EYS: variants seen among roughly 807,000 people sequenced by gnomAD.
EYS encodes the protein EGF-like photoreceptor maintenance factor.
EYS carries 250 observed loss-of-function variants against 282.1 expected under a neutral mutation model. The observed-to-expected ratio is 0.89, with a 90% CI of 0.80 to 0.98. The LOEUF is 0.98. Ranked by LOEUF, EYS falls within the 50% of genes least tolerant of loss-of-function variation. The pLI is 0.00. For missense variants in EYS, 4,016 were observed against 3,709.0 expected, an observed-to-expected ratio of 1.08 and a Z score of -2.15; for synonymous variants, 1,355 against 1,282.9, an observed-to-expected ratio of 1.06 and a Z score of -1.20.
At chr6:65,539,354 A>C (rs1768077963) in intron 2 of EYS, among the ~76,000 whole-genome samples, 1 of 152,182 alleles carries the variant, frequency 6.6e-6, no homozygotes, top group South Asian at 2.1e-4. Flanking sequence ...CATAAGCCAA[A>C]GACATAGTTC....
intron 26 of EYS, among the ~76,000 whole-genome samples, chr6:64,547,390 C>T (rs1397268502): frequency 6.6e-6 from 1 of 152,136 alleles, no homozygotes; most frequent in Admixed American, 6.5e-5. Flanking sequence ...CGTTTGCAAT[C>T]CCTGAGCTAG....
At chr6:63,912,850 C>T (rs926442499) in intron 35 of EYS, among the ~76,000 whole-genome samples, 8 of 150,970 alleles carry the variant, frequency 5.3e-5, no homozygotes, top group African/African-American at 1.9e-4. Context: ...CTGAGGCCTC[C>T]CCAGAAGCAG....
intron 31 of EYS, among the ~76,000 whole-genome samples, chr6:64,131,035 T>C (rs1051200328): frequency 4.1e-4 from 62 of 151,970 alleles, no homozygotes; most frequent in African/African-American, 1.3e-3. Context: ...GCCCGGCTAA[T>C]TTTTGTATTT....
At chr6:65,613,749 A>G (rs1163398159) in intron 2 of EYS, among the ~76,000 whole-genome samples, 2 of 151,898 alleles carry the variant, frequency 1.3e-5, no homozygotes, top group African/African-American at 4.8e-5. Flanking sequence ...ACTTTTTTCA[A>G]TTATGATGAA....
intron 36 of EYS, among the ~76,000 whole-genome samples, chr6:63,816,345 A>T (rs2149683665): frequency 6.6e-6 from 1 of 152,338 alleles, no homozygotes; most frequent in African/African-American, 2.4e-5. Context: ...CAATCAGAAA[A>T]CATAATGAAA....
intron 7 of EYS, among the ~76,000 whole-genome samples, chr6:65,393,010 A>C (rs1766111813): frequency 6.6e-6 from 1 of 152,178 alleles, no homozygotes. Context: ...TGATGAGTTC[A>C]TGTCCTTTGT....
intron 32 of EYS, among the ~76,000 whole-genome samples, chr6:64,075,096 G>T (rs866568647): frequency 1.3e-5 from 2 of 151,902 alleles, no homozygotes; most frequent in African/African-American, 4.8e-5. Flanking sequence ...ATCTCTGTTG[G>T]AACACAGATG....
At chr6:64,950,832 T>TATATATATATATATATAA (rs1310289103) in intron 14 of EYS, among the ~76,000 whole-genome samples, 36 of 103,050 alleles carry the variant, frequency 3.5e-4, no homozygotes, top group Admixed American at 7.3e-4. Flanking sequence ...TATATATATA[T>TATATATATATATATATAA]ATTGTTGAAT....
intron 11 of EYS, chr6:65,330,750 T>A (rs1245360151): frequency 1.0e-6 from 1 of 960,178 alleles, no homozygotes; most frequent in African/African-American, 1.8e-5. Context: ...AATTTCTCCA[T>A]CCCGAAATCA....
intron 30 of EYS, among the ~76,000 whole-genome samples, chr6:64,270,324 C>A (rs888624747): frequency 1.3e-5 from 2 of 151,506 alleles, no homozygotes; most frequent in Admixed American, 1.3e-4. Flanking sequence ...TCAACTTTTT[C>A]TGAAATACAG....
At chr6:65,344,216 A>T (rs540716010) in intron 9 of EYS, 39 bp from the exon 10 acceptor site, 1 of 1,494,754 alleles carries the variant, frequency 6.7e-7, no homozygotes, top group South Asian at 1.1e-5. Context: ...ATAAACTCTT[A>T]CAAACTTGAA....
At chr6:64,914,218 C>T (rs1172762814) in intron 15 of EYS, among the ~76,000 whole-genome samples, 1 of 152,060 alleles carries the variant, frequency 6.6e-6, no homozygotes, top group Non-Finnish European at 1.5e-5. Context: ...AGAGGTAGTC[C>T]ATCAGCTGGG....
chr6:65,252,038 G>C (rs1281437503), intron 12 of EYS, among the ~76,000 whole-genome samples: 2 of 151,948 alleles, frequency 1.3e-5, no homozygotes, highest in East Asian at 3.9e-4. Flanking sequence ...TTTCCAGGGG[G>C]TAGGGGCGAC....
intron 28 of EYS, among the ~76,000 whole-genome samples, chr6:64,434,181 A>G (rs1173996635): frequency 2.0e-5 from 3 of 152,072 alleles, no homozygotes; most frequent in Non-Finnish European, 4.4e-5. Context: ...ACACAGAGAG[A>G]ATACAGCCAT....
chr6:64,031,262 G>A (rs932923308), intron 33 of EYS, among the ~76,000 whole-genome samples: 16 of 152,326 alleles, frequency 1.1e-4, no homozygotes, highest in South Asian at 6.2e-4. Context: ...GGGGCTGGCC[G>A]GCACCACCGG....
intron 26 of EYS, among the ~76,000 whole-genome samples, chr6:64,540,915 G>C (rs571487826): frequency 6.6e-6 from 1 of 152,206 alleles, no homozygotes; most frequent in African/African-American, 2.4e-5. Context: ...CAGGAAAGCA[G>C]AGAATCAAGA....
At chr6:65,394,157 T>C (rs1766170573) in intron 7 of EYS, among the ~76,000 whole-genome samples, 1 of 152,090 alleles carries the variant, frequency 6.6e-6, no homozygotes, top group Non-Finnish European at 1.5e-5. Context: ...ATAGTAAAAA[T>C]TTGATCCTCC....
At chr6:65,194,658 G>C (rs1008969272) in intron 12 of EYS, among the ~76,000 whole-genome samples, 1 of 151,850 alleles carries the variant, frequency 6.6e-6, no homozygotes, top group Non-Finnish European at 1.5e-5. Flanking sequence ...CCATTGAAGG[G>C]CCTGTATCCC....
At chr6:63,905,058 T>C (rs1773742227) in intron 35 of EYS, among the ~76,000 whole-genome samples, 1 of 152,222 alleles carries the variant, frequency 6.6e-6, no homozygotes, top group Non-Finnish European at 1.5e-5. Context: ...ACTCGTCATT[T>C]CCTGCTGGCT....
Sources: allele counts gnomAD v4.1 joint callset (sites outside exome capture counted in the v4.1 genomes callset), GRCh38; gene constraint gnomAD v4.1.1; transcripts MANE v1.5; gene names NCBI Gene and HGNC (gene_info 2026-07-23, HGNC 2026-07-21).